Variants in IMMP2L observed in about 807,000 individuals in gnomAD.
IMMP2L encodes the protein mitochondrial inner membrane protease subunit 2.
In IMMP2L, 18 loss-of-function variants were observed where a neutral mutation model predicts 19.3. The ratio of observed to expected loss-of-function variants is 0.93; its 90% CI spans 0.64 to 1.38. The LOEUF (loss-of-function observed/expected upper bound fraction) is 1.38. Among genes scored for constraint, IMMP2L ranks in the 40% most tolerant of loss-of-function variants. The pLI is 0.00. For missense variants in IMMP2L, 233 were observed against 218.2 expected (o/e 1.07, Z -0.43); for synonymous variants, 76 against 73.0 (o/e 1.04, Z -0.21).
intron 3 of IMMP2L, among the ~76,000 whole-genome samples, chr7:111,163,422 C>T (rs1409551443): frequency 2.0e-5 from 3 of 152,042 alleles, no homozygotes; most frequent in Admixed American, 2.0e-4. Flanking sequence ...TATTTATTAC[C>T]GAATCAAATC....
At chr7:111,022,918 A>G (rs1826433943) in intron 3 of IMMP2L, among the ~76,000 whole-genome samples, 1 of 152,164 alleles carries the variant, frequency 6.6e-6, no homozygotes, top group Non-Finnish European at 1.5e-5. Flanking sequence ...TTGAATGAGA[A>G]AGACAGCAAA....
rs1563003988 is a variant in IMMP2L, at chr7:111,281,142, GAAAGACAGAAAGACAGAA to G, written c.239+206078_239+206095del. ...AGAAAGAGAGAAAGAGAGAAAGACAGAAAGACAGAAAGACAGAAAGAAAGAAAGAAAGAAAGAAAGAAA... is the reference window on the plus strand; with the variant it reads ...AGAAAGAGAGAAAGAGAGAAAGACAGAGAAAGAAAGAAAGAAAGAAAGAAA... On this transcript the variant is annotated intron_variant, in intron 3 of 5. Coordinates refer to ENST00000405709, the MANE Select transcript of IMMP2L (RefSeq NM_032549.4). Among the ~76,000 whole-genome samples the G allele has an allele frequency of 4.7e-5, 4 of 84,952 alleles. No individual in the cohort carries two copies. The East Asian group carries it at 9.6e-4, about 20-fold the overall frequency. The allele number at this position is 84,952 out of a possible 152,430, so 55.7% of individuals were successfully genotyped here.
chr7:110,981,019 A>T (rs1821242151), intron 3 of IMMP2L, among the ~76,000 whole-genome samples: 1 of 152,238 alleles, frequency 6.6e-6, no homozygotes, highest in Non-Finnish European at 1.5e-5. Flanking sequence ...TTCCAAAAAG[A>T]GACCTCAGTA....
chr7:110,801,841 C>A (rs1010911578), intron 5 of IMMP2L, among the ~76,000 whole-genome samples: 2 of 152,064 alleles, frequency 1.3e-5, no homozygotes, highest in African/African-American at 4.8e-5. Context: ...TTGGGTGACA[C>A]AGCTTGCTGA....
At chr7:110,923,509 T>C (rs765285199) in intron 4 of IMMP2L, among the ~76,000 whole-genome samples, 16 of 152,194 alleles carry the variant, frequency 1.1e-4, no homozygotes, top group Non-Finnish European at 1.8e-4. Context: ...CTTAAATATA[T>C]TGGATTCTCC....
chr7:111,385,778 A>G (rs776396066), intron 3 of IMMP2L, among the ~76,000 whole-genome samples: 12 of 152,194 alleles, frequency 7.9e-5, no homozygotes, highest in Non-Finnish European at 1.8e-4. Flanking sequence ...CACTGTCTTC[A>G]TCTAAGGCAT....
intron 5 of IMMP2L, among the ~76,000 whole-genome samples, chr7:110,713,890 T>C (rs550931185): frequency 4.5e-4 from 68 of 152,326 alleles, no homozygotes; most frequent in Admixed American, 3.6e-3. Context: ...GTTCGACTTC[T>C]TCTTTTCCTA....
At chr7:110,825,995 AAAAC>A (rs1344539867) in intron 5 of IMMP2L, among the ~76,000 whole-genome samples, 19 of 152,322 alleles carry the variant, frequency 1.2e-4, no homozygotes, top group East Asian at 3.9e-4. Flanking sequence ...TTACAAGAAA[AAAAC>A]AAACAACCCC....
intron 5 of IMMP2L, among the ~76,000 whole-genome samples, chr7:110,875,348 A>C (rs770703516): frequency 6.6e-6 from 1 of 152,124 alleles, no homozygotes; most frequent in Non-Finnish European, 1.5e-5. Context: ...CCTATTCAGC[A>C]CATATATTTT....
At chr7:110,806,165 G>T (rs1801617749) in intron 5 of IMMP2L, among the ~76,000 whole-genome samples, 1 of 151,940 alleles carries the variant, frequency 6.6e-6, no homozygotes, top group South Asian at 2.1e-4. Context: ...AGAAAAATCA[G>T]TACAAAACCT....
At chr7:111,077,927 T>C (rs924570393) in intron 3 of IMMP2L, among the ~76,000 whole-genome samples, 2 of 152,210 alleles carry the variant, frequency 1.3e-5, no homozygotes, top group Non-Finnish European at 2.9e-5. Flanking sequence ...CTTTGTTTCT[T>C]GGCCTGACTC....
At chr7:110,902,177 C>T (rs540442928) in intron 4 of IMMP2L, among the ~76,000 whole-genome samples, 36 of 151,618 alleles carry the variant, frequency 2.4e-4, no homozygotes, top group Middle Eastern at 3.4e-3. Flanking sequence ...AGCTTCTGAC[C>T]TCAAAAACCT....
chr7:111,432,780 A>C lies in IMMP2L; in HGVS notation c.239+54458T>G, dbSNP rs1836760959. On this transcript the variant is annotated intron_variant, in intron 3 of 5. Transcript: ENST00000405709. ...TGGATGCCTCTTCACTGATGATAAG[A>C]TCTAGTATCTAGAGAACCCTAAAGA... Among the ~76,000 whole-genome samples the C allele has an allele frequency of 1.3e-5, 2 of 151,496 alleles. 1 individual carries two copies. Among genetic ancestry groups the C allele is most frequent in the African/African-American group, 4.9e-5 (2 of 40,938 alleles).
chr7:110,716,222 G>T (rs1795226645), intron 5 of IMMP2L, among the ~76,000 whole-genome samples: 1 of 151,914 alleles, frequency 6.6e-6, no homozygotes, highest in African/African-American at 2.4e-5. Context: ...TGAAGAGAGG[G>T]GATGGATGGT....
At chr7:111,298,442 G>A (rs1461099700) in intron 3 of IMMP2L, among the ~76,000 whole-genome samples, 1 of 152,034 alleles carries the variant, frequency 6.6e-6, no homozygotes, top group African/African-American at 2.4e-5. Flanking sequence ...GTAAGTATTT[G>A]TTAAAAATAT....
At chr7:111,392,533 C>T (rs1404710881) in intron 3 of IMMP2L, among the ~76,000 whole-genome samples, 1 of 152,148 alleles carries the variant, frequency 6.6e-6, no homozygotes, top group Non-Finnish European at 1.5e-5. Flanking sequence ...CTCAAGCCAC[C>T]TCTGACATCA....
chr7:111,161,428 T>A (rs927615311), intron 3 of IMMP2L, among the ~76,000 whole-genome samples: 5 of 152,024 alleles, frequency 3.3e-5, no homozygotes, highest in Middle Eastern at 3.4e-3. Context: ...GGGATTATAA[T>A]TAAAGGAACT....
chr7:110,937,115 T>C (rs1816204158), intron 4 of IMMP2L, among the ~76,000 whole-genome samples: 1 of 152,126 alleles, frequency 6.6e-6, no homozygotes, highest in Admixed American at 6.6e-5. Flanking sequence ...GACAGGTTGA[T>C]GGGTGCAGCA....
chr7:111,206,271 C>T (rs778013576), intron 3 of IMMP2L, among the ~76,000 whole-genome samples: 22 of 152,110 alleles, frequency 1.4e-4, no homozygotes, highest in Non-Finnish European at 2.2e-4. Context: ...CTCCATCCAC[C>T]CAGAGGAAAC....
Sources: allele counts gnomAD v4.1 joint callset (sites outside exome capture counted in the v4.1 genomes callset), GRCh38; gene constraint gnomAD v4.1.1; transcripts MANE v1.5; gene names NCBI Gene and HGNC (gene_info 2026-07-23, HGNC 2026-07-21).